The following ORC5 variants were observed in gnomAD, a reference collection of about 807,000 sequenced individuals.
The protein encoded by ORC5 is origin recognition complex subunit 5, also known as protein phosphatase 1, regulatory subunit 117.
ORC5 carries 39 observed loss-of-function variants against 58.8 expected under a neutral mutation model. The ratio of observed to expected loss-of-function variants is 0.66; its 90% CI spans 0.51 to 0.87. The LOEUF is 0.87. ORC5 is among the 40% of genes least tolerant of loss of function. The pLI, the probability that ORC5 is intolerant of heterozygous loss-of-function variation, is 0.00. For synonymous variants in ORC5, 218 were observed against 177.6 expected, an observed-to-expected ratio of 1.23 and a Z score of -1.81; for missense variants, 493 against 506.3, an observed-to-expected ratio of 0.97 and a Z score of 0.25.
intron 12 of ORC5, among the ~76,000 whole-genome samples, chr7:104,140,920 TAGA>T (rs1798663701): frequency 6.6e-6 from 1 of 152,216 alleles, no homozygotes; most frequent in African/African-American, 2.4e-5. Flanking sequence ...ACCTCTGCAT[TAGA>T]AGATTGCTAG....
At chr7:104,178,658 T>C (rs748064803) in intron 8 of ORC5, among the ~76,000 whole-genome samples, 6 of 152,222 alleles carry the variant, frequency 3.9e-5, no homozygotes, top group Admixed American at 6.5e-5. Flanking sequence ...TGAATGGTGT[T>C]GCCTAGGTTT....
chr7:104,146,846 T>A (rs1326316223), intron 12 of ORC5, among the ~76,000 whole-genome samples: 1 of 152,182 alleles, frequency 6.6e-6, no homozygotes, highest in Non-Finnish European at 1.5e-5. Context: ...GTAGATTGCA[T>A]TAATGTCAGT....
chr7:104,200,755 T>C lies in ORC5; in HGVS notation c.366+3A>G, dbSNP rs1398402253. ...GATGATCTAATCAAATGAAATTACT[T>C]ACAATATATACAGTCTGATCTTTAA... On this transcript the variant is annotated splice_donor_region_variant and intron_variant, in intron 3 of 13. Coordinates refer to ENST00000297431, the MANE Select transcript of ORC5 (RefSeq NM_002553.4). 6.6e-7 allele frequency: 1 copy of C among 1,522,562 alleles called. No individual in the cohort carries two copies. Among genetic ancestry groups the C allele is most frequent in the Non-Finnish European group, 9.1e-7 (1 of 1,101,528 alleles). The allele number at this position is 1,522,562 out of a possible 1,614,324, so 94.3% of individuals were successfully genotyped here.
chr7:104,149,719 C>T (rs1292010336), intron 12 of ORC5, among the ~76,000 whole-genome samples: 1 of 152,076 alleles, frequency 6.6e-6, no homozygotes, highest in African/African-American at 2.4e-5. Context: ...TAGTACTTCC[C>T]TAGCTTTCAT....
chr7:104,177,049 T>G (rs1312076909), intron 8 of ORC5, among the ~76,000 whole-genome samples: 4 of 152,246 alleles, frequency 2.6e-5, no homozygotes, highest in East Asian at 1.9e-4. Context: ...AACTTTAAGA[T>G]TCTCACTTAG....
chr7:104,145,755 G>T (rs1235039742), intron 12 of ORC5, among the ~76,000 whole-genome samples: 1 of 152,092 alleles, frequency 6.6e-6, no homozygotes, highest in Non-Finnish European at 1.5e-5. Flanking sequence ...GGACCCTAGG[G>T]CTACAGAAAC....
chr7:104,184,233 AT>A (rs544272424), intron 6 of ORC5, 62 bp from the exon 7 acceptor site: 3 of 1,072,398 alleles, frequency 2.8e-6, no homozygotes, highest in South Asian at 1.5e-5. Context: ...TTAGAAATTT[AT>A]TTTTCAAGTA....
chr7:104,172,282 T>C (rs768680623), intron 8 of ORC5, among the ~76,000 whole-genome samples: 13 of 152,244 alleles, frequency 8.5e-5, no homozygotes, highest in Non-Finnish European at 1.9e-4. Flanking sequence ...TTCATTATTA[T>C]GTAAGAATCA....
intron 4 of ORC5, among the ~76,000 whole-genome samples, chr7:104,196,456 G>C (rs1291102478): frequency 6.6e-6 from 1 of 152,210 alleles, no homozygotes; most frequent in East Asian, 1.9e-4. Context: ...GCAAGACTGT[G>C]TGAGGTTAAC....
intron 2 of ORC5, among the ~76,000 whole-genome samples, chr7:104,201,954 G>T (rs1023447425): frequency 5.9e-5 from 9 of 152,030 alleles, no homozygotes; most frequent in African/African-American, 2.2e-4. Flanking sequence ...GACAGGCCTG[G>T]TGGTGCACAT....
chr7:104,207,072 T>C (rs1800106223), intron 1 of ORC5, among the ~76,000 whole-genome samples: 1 of 152,238 alleles, frequency 6.6e-6, no homozygotes, highest in Non-Finnish European at 1.5e-5. Flanking sequence ...GATGGGGGTA[T>C]GAGTATGACC....
At chr7:104,128,161 C>T (rs1309414722) in intron 13 of ORC5, among the ~76,000 whole-genome samples, 3 of 152,176 alleles carry the variant, frequency 2.0e-5, no homozygotes, top group African/African-American at 7.2e-5. Context: ...CTTGCTCTGT[C>T]GCCCAGGCTG....
intron 1 of ORC5, among the ~76,000 whole-genome samples, chr7:104,206,510 T>C (rs1299451284): frequency 6.6e-6 from 1 of 152,212 alleles, no homozygotes. Context: ...GCAGAGAACA[T>C]AATCAAGAAA....
chr7:104,178,346 G>A lies in ORC5; in HGVS notation c.824+5597C>T, dbSNP rs184321690. Among the ~76,000 whole-genome samples the A allele has an allele frequency of 7.7e-3, 1,171 of 152,104 alleles. 15 individuals carry two copies. Among genetic ancestry groups the A allele is most frequent in the Non-Finnish European group, 0.012 (845 of 68,002 alleles). On this transcript the variant is annotated intron_variant, in intron 8 of 13. Transcript: ENST00000297431. ...TGATGAGCTTTCTTCATGTTTGTTG[G>A]CCACATAAATGTCTTCTTTTGAGAA...
intron 8 of ORC5, among the ~76,000 whole-genome samples, chr7:104,179,962 A>C (rs183705293): frequency 6.6e-6 from 1 of 152,152 alleles, no homozygotes; most frequent in Admixed American, 6.5e-5. Context: ...TTAAAGTCTA[A>C]CTCTAAAATG....
chr7:104,126,866 G>A lies in ORC5; in HGVS notation c.1290C>T (p.Tyr430=), dbSNP rs933048305. ...CTTGTTTTCACAAGAAATCATACAAGTATTTTATTATGTCAAAGTTCACCG... is the reference window on the plus strand; with the variant it reads ...CTTGTTTTCACAAGAAATCATACAAATATTTTATTATGTCAAAGTTCACCG... The part of the protein sequence containing the change: ...ARTVNFDIIK[Y]LYDFL The change falls in exon 14 of 14, where the codon TAC becomes TAT. Residue 430 remains tyrosine, a synonymous_variant. Transcript: ENST00000297431. The A allele has an allele frequency of 6.2e-7, 1 of 1,607,062 alleles. No individual in the cohort carries two copies.
rs574450484 is a variant in ORC5, at chr7:104,169,368, T to A, written c.825-843A>T. Among the ~76,000 whole-genome samples the A allele has an allele frequency of 5.3e-5, 8 of 152,244 alleles. 1 individual carries two copies. The South Asian group carries it at 1.7e-3, about 32-fold the overall frequency. ...CTGGACTTATTTGCAATTAAAACTG[T>A]TAAACAACCAAAACACTATTAAGAA... On this transcript the variant is annotated intron_variant, in intron 8 of 13. Transcript: ENST00000297431.
chr7:104,188,618 C>T (rs970521805), intron 5 of ORC5, among the ~76,000 whole-genome samples: 6 of 152,132 alleles, frequency 3.9e-5, no homozygotes, highest in Non-Finnish European at 7.3e-5. Context: ...TCATAATTCC[C>T]TGAATGAGAA....
chr7:104,173,521 G>A (rs1028815018), intron 8 of ORC5, among the ~76,000 whole-genome samples: 1 of 152,202 alleles, frequency 6.6e-6, no homozygotes, highest in Non-Finnish European at 1.5e-5. Context: ...ACTCACTTGA[G>A]CCCTCTGAAC....
Sources: allele counts gnomAD v4.1 joint callset (sites outside exome capture counted in the v4.1 genomes callset), GRCh38; gene constraint gnomAD v4.1.1; transcripts MANE v1.5; gene names NCBI Gene and HGNC (gene_info 2026-07-23, HGNC 2026-07-21).